Variants in MINDY2 observed in about 807,000 individuals in gnomAD.
MINDY2 encodes the protein ubiquitin carboxyl-terminal hydrolase MINDY-2.
A neutral mutation model predicts 68.2 loss-of-function variants in MINDY2; 52 were observed. That is an observed-to-expected ratio of 0.76 (90% CI 0.61 to 0.96). The LOEUF (loss-of-function observed/expected upper bound fraction) is 0.96, where lower values mean the gene tolerates loss of function less well. Among genes scored for constraint, MINDY2 ranks in the 40% least tolerant of loss-of-function variants. The probability of loss-of-function intolerance (pLI) is 0.00; values close to 1 mark genes in which losing one functional copy is unlikely to be tolerated. For synonymous variants in MINDY2, 372 were observed against 303.0 expected, an observed-to-expected ratio of 1.23 and a Z score of -2.36; for missense variants, 881 against 773.4, an observed-to-expected ratio of 1.14 and a Z score of -1.65.
intron 1 of MINDY2, among the ~76,000 whole-genome samples, chr15:58,779,595 T>C (rs1483517288): frequency 6.6e-6 from 1 of 152,264 alleles, no homozygotes; most frequent in Non-Finnish European, 1.5e-5. Flanking sequence ...GGTTCCATCT[T>C]AGCCTCTGCC....
intron 6 of MINDY2, among the ~76,000 whole-genome samples, chr15:58,833,734 C>T (rs1159820384): frequency 6.6e-6 from 1 of 152,096 alleles, no homozygotes; most frequent in East Asian, 1.9e-4. Context: ...TTTCCCCTGT[C>T]TCAGTAGATG....
chr15:58,852,019 G>A (rs2032840916), intron 8 of MINDY2, 54 bp downstream of exon 8: 2 of 1,357,148 alleles, frequency 1.5e-6, no homozygotes, highest in East Asian at 2.5e-5. Context: ...GGGTGTAGTG[G>A]CTCACACCTG....
intron 2 of MINDY2, among the ~76,000 whole-genome samples, chr15:58,798,247 G>C (rs796723831): frequency 2.0e-5 from 3 of 151,956 alleles, no homozygotes; most frequent in African/African-American, 7.2e-5. Flanking sequence ...TACCCGAGCA[G>C]CTGGGATTAC....
At chr15:58,814,614 A>G (rs530823015) in intron 4 of MINDY2, among the ~76,000 whole-genome samples, 11 of 121,756 alleles carry the variant, frequency 9.0e-5, no homozygotes, top group Admixed American at 1.7e-4. Flanking sequence ...CCTGGGCTCA[A>G]ACCCTCCTCA....
At chr15:58,790,252 TAA>T (rs1727741812) in intron 2 of MINDY2, among the ~76,000 whole-genome samples, 1 of 152,212 alleles carries the variant, frequency 6.6e-6, no homozygotes, top group African/African-American at 2.4e-5. Context: ...ATTATTATTT[TAA>T]GTTTTTTTTT....
chr15:58,849,621 C>A (rs1267547254), intron 7 of MINDY2, among the ~76,000 whole-genome samples: 1 of 152,146 alleles, frequency 6.6e-6, no homozygotes, highest in Non-Finnish European at 1.5e-5. Context: ...GGATTCAAGA[C>A]CATGAGGCTT....
intron 7 of MINDY2, among the ~76,000 whole-genome samples, chr15:58,850,816 G>T (rs1167676797): frequency 3.9e-5 from 6 of 152,046 alleles, no homozygotes. Context: ...CAAACTCCTG[G>T]GCTCAAGCAG....
intron 4 of MINDY2, among the ~76,000 whole-genome samples, chr15:58,812,436 CAA>C (rs200958606): frequency 1.8e-4 from 19 of 104,164 alleles, no homozygotes; most frequent in Middle Eastern, 5.5e-3. Context: ...CGGTCCGTCT[CAA>C]AAAAAAAAAA....
chr15:58,792,653 C>T (rs1301145627), intron 2 of MINDY2, among the ~76,000 whole-genome samples: 1 of 151,844 alleles, frequency 6.6e-6, no homozygotes, highest in African/African-American at 2.4e-5. Context: ...TCATAGTAGT[C>T]AAAAAATGGA....
In MINDY2 at chr15:58,859,594, G is replaced by A. The variant is rs2033159654; in HGVS notation, c.*4984G>A. The stretch of plus-strand genomic sequence containing the variant: ...TGAAGAATTGAGGTTACTCTTCTCA[G>A]GTGACACTTTAAATATTAAAATCAG... On this transcript the variant is annotated 3_prime_UTR_variant, in exon 9 of 9. Transcript: ENST00000559228. 6.6e-6 allele frequency: 1 copy of A among 152,102 alleles called. No homozygotes were observed. The highest frequency in any genetic ancestry group is 2.4e-5 in the African/African-American group (1 of 41,424). The allele number at this position is 152,102 out of a possible 1,614,324, so 9.4% of individuals were successfully genotyped here. A position where few individuals can be genotyped will look rare whatever the true frequency, so the allele number is the denominator to read the frequency against.
chr15:58,787,264 G>T (rs1313209639), intron 1 of MINDY2, among the ~76,000 whole-genome samples: 4 of 151,116 alleles, frequency 2.6e-5, no homozygotes, highest in African/African-American at 9.7e-5. Flanking sequence ...AAAGTGTTGG[G>T]ATTACAGGCA....
intron 2 of MINDY2, among the ~76,000 whole-genome samples, chr15:58,800,966 T>TA: frequency 6.6e-6 from 1 of 152,138 alleles, no homozygotes. Flanking sequence ...CAAGATTTTT[T>TA]AAAAATAAAA....
At chr15:58,825,316 G>T (rs1935284397) in intron 5 of MINDY2, among the ~76,000 whole-genome samples, 1 of 152,056 alleles carries the variant, frequency 6.6e-6, no homozygotes, top group Non-Finnish European at 1.5e-5. Flanking sequence ...ATAAGTAAAG[G>T]TGCAGAACTT....
chr15:58,772,859 A>G (rs1900531203), intron 1 of MINDY2, among the ~76,000 whole-genome samples: 1 of 152,216 alleles, frequency 6.6e-6, no homozygotes, highest in African/African-American at 2.4e-5. Context: ...GGCTCTCCTT[A>G]AATGGTTTGG....
intron 5 of MINDY2, among the ~76,000 whole-genome samples, chr15:58,827,837 A>G (rs927684665): frequency 6.6e-6 from 1 of 152,104 alleles, no homozygotes; most frequent in Non-Finnish European, 1.5e-5. Context: ...GATGCCCTCA[A>G]GTTGGGTCTT....
intron 1 of MINDY2, among the ~76,000 whole-genome samples, chr15:58,779,810 G>A (rs1901016662): frequency 6.6e-6 from 1 of 152,190 alleles, no homozygotes; most frequent in Non-Finnish European, 1.5e-5. Flanking sequence ...GCCAGTAGGA[G>A]TTGCCCTCTA....
At chr15:58,786,601 A>G (rs1486385232) in intron 1 of MINDY2, among the ~76,000 whole-genome samples, 2 of 152,164 alleles carry the variant, frequency 1.3e-5, no homozygotes, top group Non-Finnish European at 1.5e-5. Context: ...TAACCTTCTT[A>G]TTGTGAAATA....
In MINDY2 at chr15:58,771,585, C is replaced by G; in HGVS notation, c.190C>G (p.Pro64Ala). Residue 64 changes from proline to alanine, a missense_variant, in exon 1 of 9, where the codon CCG becomes GCG. Transcript: ENST00000559228. The part of the protein sequence containing the change: ...LGAAAARRSL[P>A]DSASPAGSPE... ...GGCGGCGGCCGCCAGGAGGAGCCTC[C>G]CGGACTCGGCTTCTCCCGCGGGCTC... The G allele has an allele frequency of 6.2e-7, 1 of 1,611,742 alleles. No individual in the cohort carries two copies. The highest frequency in any genetic ancestry group is 1.7e-5 in the Admixed American group (1 of 59,994).
At position 58,847,398 on chromosome 15, in the gene MINDY2, C is replaced by G. The variant is rs879574774; in HGVS notation, c.1470C>G (p.Asp490Glu). ...TAGATGGTGATGGAAATTTCTGTGA[C>G]TCAGAATTTCATCTTCGACCTCCTT... Reference protein sequence around the residue: ...HNVDGDGNFCDSEFHLRPPSD... With the variant: ...HNVDGDGNFCESEFHLRPPSD... Residue 490 changes from aspartate to glutamate, a missense_variant, in exon 7 of 9, where the codon GAC (aspartate) becomes GAG (glutamate). Physicochemically the swap from Asp to Glu is conservative, Grantham distance 45. Coordinates refer to ENST00000559228, the MANE Select transcript of MINDY2 (RefSeq NM_001040450.3). The G allele has an allele frequency of 1.9e-6, 3 of 1,608,218 alleles. No individual in the cohort carries two copies. Among genetic ancestry groups the G allele is most frequent in the Non-Finnish European group, 1.7e-6 (2 of 1,175,812 alleles).
Sources: gnomAD v4.1 joint callset for allele counts (sites outside exome capture counted in the v4.1 genomes callset) on GRCh38, gnomAD v4.1.1 for gene constraint, MANE v1.5 for transcripts, NCBI Gene and HGNC (gene_info 2026-07-23, HGNC 2026-07-21) for gene names.